PCBP3: variants seen among roughly 807,000 people sequenced by gnomAD.
The protein encoded by PCBP3 is poly(rC) binding protein 3, also known as poly(rC)-binding protein 3.
In PCBP3, 25 loss-of-function variants were observed where a neutral mutation model predicts 52.7. That is an observed-to-expected ratio of 0.47 (90% confidence interval 0.35 to 0.66). The LOEUF (loss-of-function observed/expected upper bound fraction) is 0.66. Among genes scored for constraint, PCBP3 ranks in the 30% least tolerant of loss-of-function variants. The pLI, the probability that PCBP3 is intolerant of heterozygous loss-of-function variation, is 0.01. For missense variants in PCBP3, 391 were observed against 490.3 expected, an observed-to-expected ratio of 0.80 and a Z score of 1.91; for synonymous variants, 162 against 183.0, an observed-to-expected ratio of 0.89 and a Z score of 0.93.
At chr21:45,764,807 C>T (rs190808790) in intron 4 of PCBP3, among the ~76,000 whole-genome samples, 3 of 151,826 alleles carry the variant, frequency 2.0e-5, no homozygotes, top group African/African-American at 7.2e-5. Flanking sequence ...GTGGTGCCAT[C>T]GTCTGTGTGC....
At chr21:45,818,748 T>G (rs895015337) in intron 4 of PCBP3, among the ~76,000 whole-genome samples, 14 of 152,160 alleles carry the variant, frequency 9.2e-5, no homozygotes, top group African/African-American at 2.7e-4. Flanking sequence ...TTGCCAACAC[T>G]TGGAAGCAAC....
intron 13 of PCBP3, chr21:45,918,810 A>G (rs28617362): frequency 9.6e-4 from 27 of 28,066 alleles, no homozygotes; most frequent in African/African-American, 1.8e-3. Flanking sequence ...CAGATAAACC[A>G]TTGGTGTAAT....
At chr21:45,914,380 A>T (rs1054456461) in intron 12 of PCBP3, 8 of 493,526 alleles carry the variant, frequency 1.6e-5, no homozygotes, top group Admixed American at 1.2e-4. Flanking sequence ...TGGAAACAGC[A>T]TGGTGAGAAC....
intron 4 of PCBP3, among the ~76,000 whole-genome samples, chr21:45,804,673 G>A (rs1214904458): frequency 1.3e-5 from 2 of 152,136 alleles, no homozygotes. Flanking sequence ...CACGCACCAG[G>A]CATTCGGCTC....
At chr21:45,783,684 G>T (rs1185897156) in intron 4 of PCBP3, among the ~76,000 whole-genome samples, 1 of 152,206 alleles carries the variant, frequency 6.6e-6, no homozygotes, top group African/African-American at 2.4e-5. Context: ...GAGCTGCAGA[G>T]GCCAGGGCTG....
chr21:45,676,187 A>G (rs889171807), intron 2 of PCBP3, among the ~76,000 whole-genome samples: 2 of 152,218 alleles, frequency 1.3e-5, no homozygotes, highest in African/African-American at 4.8e-5. Flanking sequence ...TTGGCATAAA[A>G]TGTCTGAAAA....
chr21:45,856,405 G>C (rs2094295671), intron 5 of PCBP3, among the ~76,000 whole-genome samples: 2 of 152,194 alleles, frequency 1.3e-5, no homozygotes, highest in African/African-American at 4.8e-5. Context: ...GATAGAGCTT[G>C]GATATTTGCC....
chr21:45,888,246 G>A (rs966610053), intron 5 of PCBP3, among the ~76,000 whole-genome samples: 2 of 152,220 alleles, frequency 1.3e-5, no homozygotes, highest in Non-Finnish European at 2.9e-5. Flanking sequence ...CCTTTCTTGG[G>A]AAGGCACCTT....
intron 5 of PCBP3, among the ~76,000 whole-genome samples, chr21:45,866,685 G>A (rs553755449): frequency 6.6e-6 from 1 of 152,272 alleles, no homozygotes; most frequent in African/African-American, 2.4e-5. Context: ...AGGCTGAGGT[G>A]TTCAGGCTGG....
chr21:45,794,022 T>C, intron 4 of PCBP3, among the ~76,000 whole-genome samples: 1 of 152,148 alleles, frequency 6.6e-6, no homozygotes, highest in East Asian at 1.9e-4. Flanking sequence ...TAAATCACTG[T>C]TGGTGTATAT....
chr21:45,736,045 T>G lies in PCBP3; in HGVS notation c.-162+616T>G, dbSNP rs1034561794. On this transcript the variant is annotated intron_variant, in intron 3 of 17. Transcript: ENST00000681687. This position sits in a 1 kb window ranked among gnomAD's most constrained non-coding sequence, Gnocchi z 4.6. ...ATTATCCTTAAGATGTCTTTCTTTT[T>G]CTAAAGCTTATTAAAGGTCATTTTC... Among the ~76,000 whole-genome samples the G allele has an allele frequency of 6.6e-6, 1 of 152,266 alleles. No homozygotes were observed. Among genetic ancestry groups the G allele is most frequent in the Non-Finnish European group, 1.5e-5 (1 of 68,048 alleles).
intron 4 of PCBP3, among the ~76,000 whole-genome samples, chr21:45,804,644 G>T (rs1454491483): frequency 6.6e-6 from 1 of 152,116 alleles, no homozygotes; most frequent in African/African-American, 2.4e-5. Context: ...CCCAGTCCCT[G>T]CTGTCCTGCT....
Position 45,829,266 on chromosome 21 carries a change from G to A in PCBP3, c.-125-20695G>A, listed in dbSNP as rs1197576186. 1.3e-5 allele frequency: 2 copies of A among 152,324 alleles called. No individual in the cohort carries two copies. The highest frequency in any genetic ancestry group is 4.8e-5 in the African/African-American group (2 of 41,458). 9.4% of individuals were successfully genotyped at this position (152,324 alleles called of 1,614,324 possible). On this transcript the variant is annotated intron_variant, in intron 4 of 17. Transcript: ENST00000681687. This position sits in a 1 kb window ranked among gnomAD's most constrained non-coding sequence, Gnocchi z 5.2. ...TGAGATTCAAAGCTCTTTGGAGAGA[G>A]GACACTTTGCTGGGGAGAAGGTGCG...
intron 5 of PCBP3, among the ~76,000 whole-genome samples, chr21:45,852,932 CAGA>C (rs1292651538): frequency 6.6e-6 from 1 of 152,236 alleles, no homozygotes; most frequent in Non-Finnish European, 1.5e-5. Flanking sequence ...AGACAGTTTA[CAGA>C]AGAAGAAGTA....
At chr21:45,669,803 G>A (rs200431161) in intron 2 of PCBP3, among the ~76,000 whole-genome samples, 2,550 of 52,380 alleles carry the variant, frequency 0.049, 47 homozygotes, top group African/African-American at 0.07. Context: ...GTGTGTGTGT[G>A]TGTATATATA....
rs571799867 is a variant in PCBP3, at chr21:45,656,691, G to C, written c.-278-12183G>C. Reference sequence around the variant, plus strand: ...AAAAACAAAAATAAATAAATCCTTTGCCCATTTAAAAACTGGATTGTCTTT... The same window carrying C: ...AAAAACAAAAATAAATAAATCCTTTCCCCATTTAAAAACTGGATTGTCTTT... On this transcript the variant is annotated intron_variant, in intron 1 of 17. Coordinates refer to ENST00000681687, the MANE Select transcript of PCBP3 (RefSeq NM_001384156.1). This position sits in a 1 kb window ranked among gnomAD's most constrained non-coding sequence, Gnocchi z 4.3. Among the ~76,000 whole-genome samples, 1 of 152,170 alleles carries C rather than the reference G, an allele frequency of 6.6e-6. No homozygotes were observed. The highest frequency in any genetic ancestry group is 2.1e-4 in the South Asian group (1 of 4,824).
At chr21:45,660,456 T>G (rs2080315567) in intron 1 of PCBP3, among the ~76,000 whole-genome samples, 1 of 152,240 alleles carries the variant, frequency 6.6e-6, no homozygotes. Context: ...CCATTTACAT[T>G]TAATGCAATT....
chr21:45,682,279 C>T (rs779107715), intron 2 of PCBP3, among the ~76,000 whole-genome samples: 10 of 152,152 alleles, frequency 6.6e-5, no homozygotes, highest in Non-Finnish European at 1.2e-4. Flanking sequence ...TTGGGTCGCA[C>T]GGTCTCTAGC....
chr21:45,655,087 T>C (rs2079929802), intron 1 of PCBP3, among the ~76,000 whole-genome samples: 1 of 152,202 alleles, frequency 6.6e-6, no homozygotes, highest in Non-Finnish European at 1.5e-5. Flanking sequence ...TGTATCGATA[T>C]ATGGCATTTT....
Sources: allele counts gnomAD v4.1 joint callset (sites outside exome capture counted in the v4.1 genomes callset), GRCh38; gene constraint gnomAD v4.1.1; non-coding constraint Gnocchi (gnomAD v3.1); transcripts MANE v1.5; gene names NCBI Gene and HGNC (gene_info 2026-07-23, HGNC 2026-07-21).